Variants in RIOK3 observed in about 807,000 individuals in gnomAD.
RIOK3 encodes serine/threonine-protein kinase RIO3.
A neutral mutation model predicts 63.5 loss-of-function variants in RIOK3; 40 were observed. That is an observed-to-expected ratio of 0.63 (90% CI 0.49 to 0.82). The LOEUF (loss-of-function observed/expected upper bound fraction) is 0.82. Ranked by LOEUF, RIOK3 falls within the 40% of genes least tolerant of loss-of-function variation. The pLI is 0.00. For missense variants in RIOK3, 557 were observed against 637.0 expected (o/e 0.87, Z 1.35); for synonymous variants, 193 against 205.0 (o/e 0.94, Z 0.50).
rs1279354189 is a variant in RIOK3 at position 23,481,688 on chromosome 18, C to G, written c.*409C>G. ...TTATTCACCTCCCTGTTTTGTGTTG[C>G]GTCTTTCCTTGAATATTTTATTGGC... On this transcript the variant is annotated 3_prime_UTR_variant, in exon 13 of 13. Coordinates refer to ENST00000339486, the MANE Select transcript of RIOK3 (RefSeq NM_003831.5). The G allele has an allele frequency of 6.5e-6, 1 of 154,386 alleles. No individual in the cohort carries two copies. Among genetic ancestry groups the G allele is most frequent in the African/African-American group, 2.4e-5 (1 of 41,514 alleles). 9.6% of individuals were successfully genotyped at this position (154,386 alleles called of 1,614,324 possible). A position where few individuals can be genotyped will look rare whatever the true frequency, so the allele number is the denominator to read the frequency against.
At chr18:23,460,983 A>T (rs2145673234) in intron 1 of RIOK3, among the ~76,000 whole-genome samples, 1 of 152,350 alleles carries the variant, frequency 6.6e-6, no homozygotes, top group East Asian at 1.9e-4. Flanking sequence ...TATTGTAGGT[A>T]TGTGCTAGGT....
intron 11 of RIOK3, 184 bp from the exon 12 acceptor site, chr18:23,479,133 C>G (rs1420635904): frequency 2.1e-6 from 1 of 479,234 alleles, no homozygotes; most frequent in Non-Finnish European, 3.8e-6. Flanking sequence ...AATTTTTACT[C>G]TCTTAAAAAC....
At chr18:23,462,513 C>T (rs987575131) in intron 1 of RIOK3, among the ~76,000 whole-genome samples, 7 of 152,238 alleles carry the variant, frequency 4.6e-5, no homozygotes, top group Non-Finnish European at 8.8e-5. Context: ...ACTTAGATGA[C>T]TCAATGCTTA....
chr18:23,465,317 G>C (rs1412824860), intron 5 of RIOK3, among the ~76,000 whole-genome samples: 2 of 152,100 alleles, frequency 1.3e-5, no homozygotes, highest in Non-Finnish European at 2.9e-5. Context: ...GTTGTAGTGA[G>C]CCGAGATCGT....
At chr18:23,467,974 C>T (rs1287792180) in intron 7 of RIOK3, among the ~76,000 whole-genome samples, 8 of 152,000 alleles carry the variant, frequency 5.3e-5, no homozygotes, top group Non-Finnish European at 1.2e-4. Context: ...GACAGGGTTT[C>T]GCCATGTTGG....
chr18:23,460,198 C>T (rs1375599816), intron 1 of RIOK3, among the ~76,000 whole-genome samples: 1 of 152,228 alleles, frequency 6.6e-6, no homozygotes, highest in South Asian at 2.1e-4. Flanking sequence ...GATCCACCTC[C>T]TACTTCAGCC....
intron 1 of RIOK3, among the ~76,000 whole-genome samples, chr18:23,461,265 T>G (rs1197347701): frequency 6.6e-6 from 1 of 152,218 alleles, no homozygotes; most frequent in Non-Finnish European, 1.5e-5. Flanking sequence ...CAGATAACAT[T>G]TTATGCTATA....
intron 12 of RIOK3, 84 bp from the exon 13 acceptor site, chr18:23,481,087 GA>G: frequency 2.8e-6 from 3 of 1,069,594 alleles, no homozygotes; most frequent in South Asian, 1.4e-5. Flanking sequence ...CTCAAAAAAA[GA>G]AAAAAATTAC....
At chr18:23,463,504 G>A (rs981418909) in intron 2 of RIOK3, among the ~76,000 whole-genome samples, 7 of 151,104 alleles carry the variant, frequency 4.6e-5, no homozygotes, top group African/African-American at 1.7e-4. Context: ...CCGTCTCCCG[G>A]GTTCAAGTGA....
intron 7 of RIOK3, among the ~76,000 whole-genome samples, chr18:23,473,179 A>T (rs917044223): frequency 6.6e-6 from 1 of 152,114 alleles, no homozygotes; most frequent in African/African-American, 2.4e-5. Flanking sequence ...TTCCGTAGTC[A>T]TTAAGTGAAG....
rs2057532206 is a variant in RIOK3, at chr18:23,481,238, T to C, written c.1519T>C (p.Leu507=). The change falls in exon 13 of 13, where the codon TTG becomes CTG. Residue 507 remains leucine (L), a synonymous_variant. Coordinates refer to ENST00000339486, the MANE Select transcript of RIOK3 (RefSeq NM_003831.5). ...GAATGGAAGGAAAGCTGCTTCATTT[T>C]TGAAAGATGATGGAGACCCACCACT... ...QKNGRKAASF[L]KDDGDPPLLY... The C allele has an allele frequency of 1.2e-6, 2 of 1,612,050 alleles. No homozygotes were observed. Among genetic ancestry groups the C allele is most frequent in the Non-Finnish European group, 1.7e-6 (2 of 1,179,088 alleles).
At chr18:23,463,100 CT>C in intron 2 of RIOK3, 21 bp downstream of exon 2, 1 of 1,445,302 alleles carries the variant, frequency 6.9e-7, no homozygotes, top group Non-Finnish European at 9.7e-7. Context: ...TTCACAAATA[CT>C]TTATCTAGCA....
Position 23,476,788 on chromosome 18 carries a change from TG to T in RIOK3, c.1174-217del, listed in dbSNP as rs1438393638. 2.6e-5 allele frequency among the ~76,000 whole-genome samples: 4 copies of T among 152,196 alleles called. No individual in the cohort carries two copies. The East Asian group carries it at 5.8e-4, about 22-fold the overall frequency. ...TTAGCCAGGAGTGGTGGTGGGTGCC[TG>T]TAGTCCGAGCTACTTGGGAGGCTGA... On this transcript the variant is annotated intron_variant, in intron 9 of 12. Coordinates refer to ENST00000339486, the MANE Select transcript of RIOK3 (RefSeq NM_003831.5).
rs2057498564 is a variant in RIOK3 at position 23,477,329 on chromosome 18, C to T, written c.1344+61C>T. 8.7e-6 allele frequency: 11 copies of T among 1,269,904 alleles called. No homozygotes were observed. In the South Asian group the frequency reaches 1.2e-4, roughly 14 times the overall value. 78.7% of individuals were successfully genotyped at this position (1,269,904 alleles called of 1,614,324 possible). ...ATGTAACAGCTGCAGGTATTTTTCT[C>T]ACTCCTAAGATAAGTAAGAGGACCA... is the stretch of plus-strand genomic sequence containing the variant. On this transcript the variant is annotated intron_variant, in intron 11 of 12. Transcript: ENST00000339486.
intron 6 of RIOK3, among the ~76,000 whole-genome samples, chr18:23,466,503 GCCCAGGCAACATAATGAT>G (rs2057408994): frequency 6.6e-6 from 1 of 151,758 alleles, no homozygotes; most frequent in Admixed American, 6.6e-5. Flanking sequence ...TGCAAGAACA[GCCCAGGCAACATAATGAT>G]CCCCAGCTCA....
chr18:23,479,272 A>G (rs568387658), intron 11 of RIOK3, 45 bp from the exon 12 acceptor site: 2 of 1,238,908 alleles, frequency 1.6e-6, no homozygotes, highest in African/African-American at 3.0e-5. Flanking sequence ...TTATAAGAGA[A>G]CATTGCTAAT....
chr18:23,472,874 C>T (rs1410857912), intron 7 of RIOK3, among the ~76,000 whole-genome samples: 1 of 152,204 alleles, frequency 6.6e-6, no homozygotes, highest in Non-Finnish European at 1.5e-5. Context: ...TCAAATCCTA[C>T]CCATTGTCCT....
intron 9 of RIOK3, among the ~76,000 whole-genome samples, chr18:23,476,438 A>C (rs1194746588): frequency 1.3e-5 from 2 of 152,222 alleles, no homozygotes; most frequent in Non-Finnish European, 2.9e-5. Context: ...TATAGCTAGA[A>C]AGGTGATCCA....
intron 7 of RIOK3, among the ~76,000 whole-genome samples, chr18:23,468,089 T>C (rs2057422352): frequency 6.6e-6 from 1 of 151,882 alleles, no homozygotes; most frequent in Admixed American, 6.6e-5. Flanking sequence ...TCCTCATCTT[T>C]ATCAGTGTTT....
Sources: allele counts gnomAD v4.1 joint callset (sites outside exome capture counted in the v4.1 genomes callset), GRCh38; gene constraint gnomAD v4.1.1; transcripts MANE v1.5; gene names NCBI Gene and HGNC (gene_info 2026-07-23, HGNC 2026-07-21).